Variants in NTN4 observed in about 807,000 individuals in gnomAD.
NTN4 encodes netrin-4.
NTN4 carries 32 observed loss-of-function variants against 73.6 expected under a neutral mutation model. That is an observed-to-expected ratio of 0.44 (90% CI 0.33 to 0.58). The LOEUF (loss-of-function observed/expected upper bound fraction) is 0.58, where lower values mean the gene tolerates loss of function less well. NTN4 is among the 20% of genes least tolerant of loss of function. The pLI, the probability that NTN4 is intolerant of heterozygous loss-of-function variation, is 0.04. For synonymous variants in NTN4, 258 were observed against 287.5 expected, an observed-to-expected ratio of 0.90 and a Z score of 1.04; for missense variants, 654 against 798.3, an observed-to-expected ratio of 0.82 and a Z score of 2.18.
intron 2 of NTN4, among the ~76,000 whole-genome samples, chr12:95,741,241 T>C (rs1009797648): frequency 2.0e-5 from 3 of 150,992 alleles, no homozygotes; most frequent in Non-Finnish European, 2.9e-5. Context: ...ACTGAACCCA[T>C]AGAGACTATG....
chr12:95,772,101 C>T (rs778503713), intron 2 of NTN4, among the ~76,000 whole-genome samples: 14 of 152,060 alleles, frequency 9.2e-5, no homozygotes, highest in African/African-American at 1.2e-4. Flanking sequence ...TGCAGTGGTG[C>T]GATCATGGTT....
rs1238885496 is a variant in NTN4, at chr12:95,658,374, C to T, written c.*712G>A. 1 of 152,350 alleles carries T rather than the reference C, an allele frequency of 6.6e-6. No homozygotes were observed. Among genetic ancestry groups the T allele is most frequent in the Non-Finnish European group, 1.5e-5 (1 of 68,042 alleles). 9.4% of individuals were successfully genotyped at this position (152,350 alleles called of 1,614,324 possible). On this transcript the variant is annotated 3_prime_UTR_variant, in exon 10 of 10. Coordinates refer to ENST00000343702, the MANE Select transcript of NTN4 (RefSeq NM_021229.4). ...GCTCAAAGCTGAGACTTCACGCATACATATTCTCCTTTCTGGTTGCATCTT... is the reference window on the plus strand; with the variant it reads ...GCTCAAAGCTGAGACTTCACGCATATATATTCTCCTTTCTGGTTGCATCTT...
chr12:95,672,871 C>T, intron 7 of NTN4: 2 of 1,361,658 alleles, frequency 1.5e-6, no homozygotes, highest in South Asian at 1.2e-5. Flanking sequence ...TGGCAACAGC[C>T]TCCGGGGCAT....
At position 95,658,343 on chromosome 12, in the gene NTN4, C is replaced by T. The variant is rs899147975; in HGVS notation, c.*743G>A. On this transcript the variant is annotated 3_prime_UTR_variant, in exon 10 of 10. Coordinates refer to ENST00000343702, the MANE Select transcript of NTN4 (RefSeq NM_021229.4). ...TCATGGCTGTCATCTTGGAATCTAG[C>T]CTCCAGCTCAAAGCTGAGACTTCAC... is the stretch of plus-strand genomic sequence containing the variant. 2.0e-5 allele frequency: 3 copies of T among 152,236 alleles called. No homozygotes were observed. Among genetic ancestry groups the T allele is most frequent in the East Asian group, 1.9e-4 (1 of 5,202 alleles). 9.4% of individuals were successfully genotyped at this position (152,236 alleles called of 1,614,324 possible).
At chr12:95,774,568 G>A (rs866326783) in intron 2 of NTN4, among the ~76,000 whole-genome samples, 1 of 152,158 alleles carries the variant, frequency 6.6e-6, no homozygotes. Context: ...ACTCATATAA[G>A]ACTTTGTTTT....
intron 2 of NTN4, among the ~76,000 whole-genome samples, chr12:95,761,393 C>T (rs1284550019): frequency 4.8e-5 from 7 of 145,232 alleles, no homozygotes; most frequent in African/African-American, 1.8e-4. Flanking sequence ...TGCAGTGGTG[C>T]GATCTCGGCT....
At chr12:95,672,523 A>G in intron 7 of NTN4, 5 of 1,529,220 alleles carry the variant, frequency 3.3e-6, no homozygotes, top group South Asian at 2.2e-5. Flanking sequence ...GCTAGATGCC[A>G]TTGATCAGAT....
chr12:95,672,184 G>A (rs4376979), intron 7 of NTN4: 2 of 521,266 alleles, frequency 3.8e-6, no homozygotes, highest in African/African-American at 2.0e-5. Flanking sequence ...TGTCGAGCAC[G>A]CAGGCGCAAT....
At chr12:95,773,407 A>G (rs73369333) in intron 2 of NTN4, among the ~76,000 whole-genome samples, 1 of 152,180 alleles carries the variant, frequency 6.6e-6, no homozygotes, top group African/African-American at 2.4e-5. Flanking sequence ...GAATGCTAAA[A>G]ATAATGAACA....
chr12:95,746,989 A>G (rs1294725044), intron 2 of NTN4, among the ~76,000 whole-genome samples: 1 of 152,212 alleles, frequency 6.6e-6, no homozygotes, highest in Non-Finnish European at 1.5e-5. Flanking sequence ...GAGAAGTGAC[A>G]TGTAAAAACC....
rs118008199 is a variant in NTN4, at chr12:95,733,285, C to T, written c.864+4581G>A. ...GAGAAAAAAGCTTAAGATCTCTTCA[C>T]ACAATTTCCGGGATTCCAGCAGGCT... On this transcript the variant is annotated intron_variant, in intron 3 of 9. Coordinates refer to ENST00000343702, the MANE Select transcript of NTN4 (RefSeq NM_021229.4). Among the ~76,000 whole-genome samples the T allele has an allele frequency of 4.3e-4, 66 of 152,340 alleles. No individual in the cohort carries two copies. The East Asian group carries it at 0.013, about 29-fold the overall frequency.
At position 95,658,743 on chromosome 12, in the gene NTN4, G is replaced by C; in HGVS notation, c.*343C>G. 6.0e-6 allele frequency: 1 copy of C among 167,014 alleles called. No homozygotes were observed. Among genetic ancestry groups the C allele is most frequent in the Non-Finnish European group, 1.3e-5 (1 of 78,066 alleles). The allele number at this position is 167,014 out of a possible 1,614,324, so 10.3% of individuals were successfully genotyped here. On this transcript the variant is annotated 3_prime_UTR_variant, in exon 10 of 10. Coordinates refer to ENST00000343702, the MANE Select transcript of NTN4 (RefSeq NM_021229.4). ...TTACTTTAAGTAGCATCAAACGTAA[G>C]TAACATCGCTGAAGCTGGAAGGCGT...
chr12:95,787,580 C>G, intron 1 of NTN4, 112 bp from the exon 2 acceptor site: 2 of 956,212 alleles, frequency 2.1e-6, no homozygotes, highest in South Asian at 3.3e-5. Flanking sequence ...TTGAGACTTT[C>G]GATAAATGGC....
rs578060601 is a variant in NTN4, at chr12:95,676,192, C to T, written c.1511-6046G>A. Among the ~76,000 whole-genome samples, 26 of 152,242 alleles carry T rather than the reference C, an allele frequency of 1.7e-4. 1 individual carries two copies. In the South Asian group the frequency reaches 5.4e-3, roughly 32 times the overall value. ...GATCTCACTTTACTGCAACCTCTGC[C>T]TTCCAGGTTCAAGTGATTCTCCTGC... On this transcript the variant is annotated intron_variant, in intron 7 of 9. Transcript: ENST00000343702.
chr12:95,738,571 T>C (rs948880733), intron 2 of NTN4, among the ~76,000 whole-genome samples: 3 of 152,070 alleles, frequency 2.0e-5, no homozygotes, highest in Admixed American at 6.6e-5. Context: ...AGGTGTGAGA[T>C]AGACATGAAT....
chr12:95,787,250 A>G lies in NTN4; in HGVS notation c.274T>C (p.Ser92Pro). ...AAYPHLAHLP[S>P]AMADSSFRFP... is the part of the protein sequence containing the mutation. ...CGGAAGGATGAGTCTGCCATGGCAG[A>G]TGGCAGGTGAGCCAGGTGAGGATAG... The change falls in exon 2 of 10, where the codon TCT becomes CCT. Residue 92 changes from serine (S) to proline (P), a missense_variant. By Grantham distance (74) the Ser-to-Pro change is moderately conservative. Transcript: ENST00000343702. The G allele has an allele frequency of 6.2e-7, 1 of 1,614,224 alleles. No individual in the cohort carries two copies. Among genetic ancestry groups the G allele is most frequent in the South Asian group, 1.1e-5 (1 of 91,082 alleles).
chr12:95,749,208 G>A (rs567395981), intron 2 of NTN4, among the ~76,000 whole-genome samples: 10 of 152,224 alleles, frequency 6.6e-5, no homozygotes, highest in African/African-American at 2.2e-4. Flanking sequence ...CAGCCCGCCT[G>A]CACCCAGGTG....
intron 8 of NTN4, among the ~76,000 whole-genome samples, chr12:95,667,534 T>C (rs1246446602): frequency 6.6e-6 from 1 of 152,080 alleles, no homozygotes; most frequent in African/African-American, 2.4e-5. Context: ...TAAAAGCTCA[T>C]GTATTTTATA....
At chr12:95,737,220 A>G (rs1304381201) in intron 3 of NTN4, among the ~76,000 whole-genome samples, 1 of 152,202 alleles carries the variant, frequency 6.6e-6, no homozygotes, top group Admixed American at 6.5e-5. Context: ...TCATTCAACC[A>G]AACACCTACT....
Sources: allele counts gnomAD v4.1 joint callset (sites outside exome capture counted in the v4.1 genomes callset), GRCh38; gene constraint gnomAD v4.1.1; transcripts MANE v1.5; gene names NCBI Gene and HGNC (gene_info 2026-07-23, HGNC 2026-07-21).